SDK1: variants seen among roughly 807,000 people sequenced by gnomAD.
The protein encoded by SDK1 is sidekick cell adhesion molecule 1.
In SDK1, 157 loss-of-function variants were observed where a neutral mutation model predicts 245.5. That is an observed-to-expected ratio of 0.64 (90% confidence interval 0.56 to 0.73). The LOEUF is 0.73. Among genes scored for constraint, SDK1 ranks in the 30% least tolerant of loss-of-function variants. SDK1 has a pLI of 0.00. For missense variants in SDK1, 3,583 were observed against 3,002.3 expected (o/e 1.19, Z -4.52); for synonymous variants, 1,647 against 1,278.5 (o/e 1.29, Z -6.15).
At chr7:3,514,129 GTTA>G (rs1562532833) in intron 1 of SDK1, among the ~76,000 whole-genome samples, 2 of 152,118 alleles carry the variant, frequency 1.3e-5, no homozygotes, top group African/African-American at 4.8e-5. Context: ...GACAAGACAG[GTTA>G]TCAGTGTTTC....
intron 5 of SDK1, among the ~76,000 whole-genome samples, chr7:3,824,194 T>G (rs1033930298): frequency 6.6e-6 from 1 of 152,178 alleles, no homozygotes; most frequent in Non-Finnish European, 1.5e-5. Context: ...TTAGATATTC[T>G]CAAGACCTAT....
intron 5 of SDK1, among the ~76,000 whole-genome samples, chr7:3,948,997 G>A (rs1236829921): frequency 6.6e-6 from 1 of 152,192 alleles, no homozygotes; most frequent in Non-Finnish European, 1.5e-5. Flanking sequence ...ATGACAGGCA[G>A]GCCGTTAGTC....
At chr7:3,321,632 T>G (rs1779804846) in intron 1 of SDK1, among the ~76,000 whole-genome samples, 2 of 152,248 alleles carry the variant, frequency 1.3e-5, no homozygotes, top group South Asian at 2.1e-4. Context: ...TCGCAAGTTT[T>G]TTTTTAAACC....
intron 5 of SDK1, among the ~76,000 whole-genome samples, chr7:3,872,270 G>A (rs531673869): frequency 6.6e-5 from 10 of 152,232 alleles, no homozygotes; most frequent in African/African-American, 2.4e-4. Context: ...TGCTTGTGAT[G>A]TGTTTATCTA....
chr7:3,580,984 A>AG (rs1229871908), intron 1 of SDK1, among the ~76,000 whole-genome samples: 1 of 139,392 alleles, frequency 7.2e-6, no homozygotes, highest in East Asian at 2.1e-4. Context: ...AAAAAAAAAA[A>AG]AAAAAAAAAA....
chr7:3,537,273 T>A (rs1778915790), intron 1 of SDK1, among the ~76,000 whole-genome samples: 1 of 152,236 alleles, frequency 6.6e-6, no homozygotes, highest in Non-Finnish European at 1.5e-5. Context: ...TGCTTACAGA[T>A]CTTATGACTG....
intron 1 of SDK1, among the ~76,000 whole-genome samples, chr7:3,525,963 G>C (rs150612668): frequency 2.0e-5 from 3 of 152,138 alleles, no homozygotes; most frequent in Non-Finnish European, 4.4e-5. Flanking sequence ...GCCAGGCGCC[G>C]TGGCTCACAC....
chr7:3,729,033 C>T (rs916312012), intron 4 of SDK1, among the ~76,000 whole-genome samples: 5 of 152,132 alleles, frequency 3.3e-5, no homozygotes, highest in African/African-American at 1.2e-4. Context: ...TTAGCCTTTG[C>T]GATTAGGTGC....
chr7:4,061,660 C>T (rs954678491), intron 19 of SDK1, among the ~76,000 whole-genome samples: 1 of 152,118 alleles, frequency 6.6e-6, no homozygotes, highest in African/African-American at 2.4e-5. Flanking sequence ...ATAAATCATG[C>T]TGCTATAAAG....
chr7:3,970,075 T>G (rs896414307), intron 11 of SDK1, among the ~76,000 whole-genome samples: 1 of 152,214 alleles, frequency 6.6e-6, no homozygotes, highest in African/African-American at 2.4e-5. Flanking sequence ...ATTGCCACTT[T>G]TTAACTTCAA....
chr7:4,145,371 G>A (rs1015401997), intron 28 of SDK1, among the ~76,000 whole-genome samples: 11 of 152,166 alleles, frequency 7.2e-5, no homozygotes, highest in African/African-American at 2.2e-4. Flanking sequence ...CAGACTGCAG[G>A]AGGGAGGGAG....
intron 26 of SDK1, chr7:4,129,673 T>C (rs1168661905): frequency 4.3e-6 from 6 of 1,384,212 alleles, no homozygotes; most frequent in Non-Finnish European, 5.6e-6. Context: ...GGCAGCAGGC[T>C]CGCCAAGCCG....
rs535999159 is a variant in SDK1, at chr7:4,259,091, G to A, written c.6382-6033G>A. ...TCTCTTTTCTTCCGTTTTAGTTTAC[G>A]CAGAGCTTAACCTTGTAAGCCACCT... On this transcript the variant is annotated intron_variant, in intron 44 of 44. Coordinates refer to ENST00000404826, the MANE Select transcript of SDK1 (RefSeq NM_152744.4). Among the ~76,000 whole-genome samples the A allele has an allele frequency of 1.3e-4, 20 of 152,136 alleles. No homozygotes were observed. In the South Asian group the frequency reaches 1.9e-3, roughly 14 times the overall value.
rs553788149 is a variant in SDK1, at chr7:3,991,679, C to T, written c.2131+4357C>T. On this transcript the variant is annotated intron_variant, in intron 14 of 44. Coordinates refer to ENST00000404826, the MANE Select transcript of SDK1 (RefSeq NM_152744.4). ...GTTCCCAGCTGTCTTTCCTTCAGAG[C>T]CTGGAGTGTGGGTATTGTGGCATGC... Among the ~76,000 whole-genome samples the T allele has an allele frequency of 3.9e-5, 6 of 152,308 alleles. No homozygotes were observed. In the South Asian group the frequency reaches 1.2e-3, roughly 32 times the overall value.
intron 1 of SDK1, among the ~76,000 whole-genome samples, chr7:3,340,961 G>A (rs1195281507): frequency 6.6e-6 from 1 of 152,050 alleles, no homozygotes; most frequent in African/African-American, 2.4e-5. Context: ...CTTTTATTCA[G>A]TCTCTTCTAG....
At chr7:3,538,827 A>C (rs1046084894) in intron 1 of SDK1, among the ~76,000 whole-genome samples, 9 of 152,332 alleles carry the variant, frequency 5.9e-5, no homozygotes, top group African/African-American at 2.2e-4. Context: ...ATGACATTTT[A>C]AGTAATAGAA....
At position 4,267,797 on chromosome 7, in the gene SDK1, G is replaced by A. The variant is rs1439337609; in HGVS notation, c.*2413G>A. The A allele has an allele frequency of 1.0e-5, 10 of 985,476 alleles. No individual in the cohort carries two copies. Among genetic ancestry groups the A allele is most frequent in the East Asian group, 2.3e-4 (2 of 8,828 alleles). 61.0% of individuals were successfully genotyped at this position (985,476 alleles called of 1,614,324 possible). On this transcript the variant is annotated 3_prime_UTR_variant, in exon 45 of 45. Coordinates refer to ENST00000404826, the MANE Select transcript of SDK1 (RefSeq NM_152744.4). The stretch of plus-strand genomic sequence containing the variant: ...ACTCTTAGTAAACCTTGATCTGTAC[G>A]GAGCGGCCTGTCCGAGGCTACGCCG...
At chr7:3,456,571 A>T (rs986658666) in intron 1 of SDK1, among the ~76,000 whole-genome samples, 1 of 152,228 alleles carries the variant, frequency 6.6e-6, no homozygotes, top group Non-Finnish European at 1.5e-5. Context: ...TTTTAAAAAA[A>T]TAACTTCTAG....
chr7:3,406,070 C>G (rs370496775), intron 1 of SDK1, among the ~76,000 whole-genome samples: 1 of 152,144 alleles, frequency 6.6e-6, no homozygotes, highest in Non-Finnish European at 1.5e-5. Context: ...GCCTTGGCCT[C>G]CCAAAGTGCT....
Sources: allele counts gnomAD v4.1 joint callset (sites outside exome capture counted in the v4.1 genomes callset), GRCh38; gene constraint gnomAD v4.1.1; transcripts MANE v1.5; gene names NCBI Gene and HGNC (gene_info 2026-07-23, HGNC 2026-07-21).